Variants in GSDMC observed in about 807,000 individuals in gnomAD.
GSDMC encodes gasdermin-C.
In GSDMC, 59 loss-of-function variants were observed where a neutral mutation model predicts 58.0. The observed-to-expected ratio is 1.02, with a 90% CI of 0.82 to 1.26. GSDMC has a LOEUF of 1.26. Among genes scored for constraint, GSDMC ranks in the 50% most tolerant of loss-of-function variants. The pLI, the probability that GSDMC is intolerant of heterozygous loss-of-function variation, is 0.00. For synonymous variants in GSDMC, 241 were observed against 220.2 expected, an observed-to-expected ratio of 1.09 and a Z score of -0.83; for missense variants, 659 against 598.5, an observed-to-expected ratio of 1.10 and a Z score of -1.06.
intron 13 of GSDMC, 133 bp downstream of exon 13, chr8:129,749,319 C>A: frequency 1.5e-6 from 1 of 656,730 alleles, no homozygotes; most frequent in African/African-American, 1.8e-5. Context: ...AAGGATTCCC[C>A]AGTGGCCACC....
At position 129,751,886 on chromosome 8, in the gene GSDMC, C is replaced by T. The variant is rs770331372; in HGVS notation, c.892G>A (p.Glu298Lys). The change falls in exon 9 of 14, where the codon GAA becomes AAA. Residue 298 changes from glutamate to lysine, a missense_variant. Transcript: ENST00000276708. The part of the protein sequence containing the change: ...QFLSGHLPKY[E>K]QVHILPVGRI... ...CCTACTGGGAGGATGTGAACTTGTT[C>T]GTATTCTAAAAAAAGAAATGAAATT... 52 of 1,600,518 alleles carry T rather than the reference C, an allele frequency of 3.2e-5. No individual in the cohort carries two copies. Among genetic ancestry groups the T allele is most frequent in the South Asian group, 3.1e-4 (28 of 90,750 alleles).
intron 6 of GSDMC, among the ~76,000 whole-genome samples, chr8:129,754,334 A>AG (rs957395484): frequency 1.3e-5 from 2 of 152,224 alleles, no homozygotes; most frequent in Admixed American, 1.3e-4. Flanking sequence ...GGAGAAAGTA[A>AG]GGGGAAAAAA....
the GSDMC span, among the ~76,000 whole-genome samples, chr8:129,737,653 A>T: frequency 6.6e-6 from 1 of 152,218 alleles, no homozygotes; most frequent in Non-Finnish European, 1.5e-5. Context: ...CCTTATACAA[A>T]CATTAATTCA....
intron 4 of GSDMC, among the ~76,000 whole-genome samples, chr8:129,763,884 A>C (rs1014979925): frequency 2.0e-5 from 3 of 151,972 alleles, no homozygotes; most frequent in African/African-American, 7.2e-5. Context: ...CTAGCCTCCA[A>C]ATTTTTTTAA....
chr8:129,742,780 T>C, the GSDMC span, among the ~76,000 whole-genome samples: 1 of 152,320 alleles, frequency 6.6e-6, no homozygotes, highest in Non-Finnish European at 1.5e-5. Flanking sequence ...AAAACCATTA[T>C]TTCATATATT....
At chr8:129,738,445 T>C in the GSDMC span, among the ~76,000 whole-genome samples, 1 of 152,148 alleles carries the variant, frequency 6.6e-6, no homozygotes, top group Admixed American at 6.6e-5. Context: ...GAAAATGTGG[T>C]ACATATACAA....
At chr8:129,752,229 C>A in intron 7 of GSDMC, 82 bp from the exon 8 acceptor site, 1 of 1,075,962 alleles carries the variant, frequency 9.3e-7, no homozygotes, top group Admixed American at 1.9e-5. Context: ...CCCTCTTGGT[C>A]TCACCTCTAA....
the GSDMC span, among the ~76,000 whole-genome samples, chr8:129,742,245 T>A: frequency 6.6e-6 from 1 of 151,986 alleles, no homozygotes; most frequent in African/African-American, 2.4e-5. Context: ...GTGACCATAG[T>A]TAATCGCTGA....
rs1207243167 is a variant in GSDMC at position 129,748,519 on chromosome 8, C to G, written c.1509G>C (p.Gln503His). The G allele has an allele frequency of 6.2e-7, 1 of 1,609,006 alleles. No homozygotes were observed. Among genetic ancestry groups the G allele is most frequent in the Admixed American group, 1.7e-5 (1 of 59,444 alleles). Residue 503 changes from glutamine to histidine, a missense_variant, in exon 14 of 14, where the codon CAG (glutamine) becomes CAC (histidine). By Grantham distance (24) the Gln-to-His change is conservative. Transcript: ENST00000276708. ...SALYGTLSLLQQLAEA is the reference protein window; with the variant it reads ...SALYGTLSLLHQLAEA Reference sequence around the variant, plus strand: ...GGAGGGCTTAGGCCTCAGCCAGCTGCTGCAGCAACGAGAGAGTCCCATAGA... The same window carrying G: ...GGAGGGCTTAGGCCTCAGCCAGCTGGTGCAGCAACGAGAGAGTCCCATAGA...
intron 9 of GSDMC, 63 bp from the exon 10 acceptor site, chr8:129,751,631 T>G: frequency 6.7e-7 from 1 of 1,503,366 alleles, no homozygotes; most frequent in Non-Finnish European, 9.2e-7. Context: ...TTTCAGATGT[T>G]TTGGAGGGTT....
At chr8:129,749,569 C>A (rs755073353) in intron 12 of GSDMC, 44 bp from the exon 13 acceptor site, 1 of 1,421,100 alleles carries the variant, frequency 7.0e-7, no homozygotes, top group South Asian at 1.1e-5. Context: ...GTGAAGAATC[C>A]AGATTTTTCC....
intron 6 of GSDMC, among the ~76,000 whole-genome samples, chr8:129,753,174 A>C (rs1194622839): frequency 1.3e-5 from 2 of 152,232 alleles, no homozygotes; most frequent in African/African-American, 4.8e-5. Flanking sequence ...GTGACTAAAA[A>C]AAGGTGCTTG....
chr8:129,748,354 A>G lies in GSDMC; in HGVS notation c.*147T>C. 1 of 685,804 alleles carries G rather than the reference A, an allele frequency of 1.5e-6. No individual in the cohort carries two copies. The highest frequency in any genetic ancestry group is 2.3e-6 in the Non-Finnish European group (1 of 431,448). The allele number at this position is 685,804 out of a possible 1,614,324, so 42.5% of individuals were successfully genotyped here. ...ATAGAGTATTCCACCACCCCAAAAC[A>G]TTTCCTAAAGTCTCTACCCATTACT... On this transcript the variant is annotated 3_prime_UTR_variant, in exon 14 of 14. Coordinates refer to ENST00000276708, the MANE Select transcript of GSDMC (RefSeq NM_031415.3).
At chr8:129,752,028 G>A in intron 8 of GSDMC, 78 bp downstream of exon 8, 1 of 1,477,666 alleles carries the variant, frequency 6.8e-7, no homozygotes, top group Non-Finnish European at 9.5e-7. Flanking sequence ...CAAGACTTTG[G>A]GTAATAGCAC....
the GSDMC span, chr8:129,729,132 T>G: frequency 1.1e-5 from 7 of 656,036 alleles, no homozygotes; most frequent in Admixed American, 7.8e-5. Context: ...ACTGCAGGAG[T>G]TGGAAGACAG....
intron 4 of GSDMC, among the ~76,000 whole-genome samples, chr8:129,763,037 T>C (rs1168954816): frequency 1.3e-5 from 2 of 152,212 alleles, no homozygotes; most frequent in Admixed American, 6.5e-5. Context: ...CCTTCTCCCA[T>C]CTTCCTAAAA....
the GSDMC span, among the ~76,000 whole-genome samples, chr8:129,736,776 G>T: frequency 6.6e-6 from 1 of 152,154 alleles, no homozygotes; most frequent in East Asian, 1.9e-4. Context: ...CATAGTGTTG[G>T]AAGTTCTGGC....
At chr8:129,733,104 G>A in the GSDMC span, among the ~76,000 whole-genome samples, 2 of 152,248 alleles carry the variant, frequency 1.3e-5, no homozygotes, top group African/African-American at 4.8e-5. Context: ...AACCTGGCAG[G>A]AGAGGGAGGT....
chr8:129,739,678 C>T, the GSDMC span, among the ~76,000 whole-genome samples: 1 of 152,156 alleles, frequency 6.6e-6, no homozygotes, highest in South Asian at 2.1e-4. Flanking sequence ...TGTCAACAAA[C>T]CTACTTCACA....
Sources: allele counts gnomAD v4.1 joint callset (sites outside exome capture counted in the v4.1 genomes callset), GRCh38; gene constraint gnomAD v4.1.1; transcripts MANE v1.5; gene names NCBI Gene and HGNC (gene_info 2026-07-23, HGNC 2026-07-21).